Variants in DNAH8 observed in about 807,000 individuals in gnomAD.
DNAH8 encodes axonemal beta dynein heavy chain 8.
A neutral mutation model predicts 562.1 loss-of-function variants in DNAH8; 382 were observed. The ratio of observed to expected loss-of-function variants is 0.68; its 90% CI spans 0.63 to 0.74. The LOEUF (loss-of-function observed/expected upper bound fraction) is 0.74, where lower values mean the gene tolerates loss of function less well. Among genes scored for constraint, DNAH8 ranks in the 30% least tolerant of loss-of-function variants. DNAH8 has a pLI of 0.00. For synonymous variants in DNAH8, 1,881 were observed against 1,919.4 expected, an observed-to-expected ratio of 0.98 and a Z score of 0.52; for missense variants, 5,203 against 5,620.4, an observed-to-expected ratio of 0.93 and a Z score of 2.37.
In DNAH8 at chr6:38,993,364, AT is replaced by A. The variant is rs543483817; in HGVS notation, c.13214+3201del. ...TGTTCAAAGGTCACTTGGATTAATG[AT>A]TTTTTTTTCTGTGTGGTTATGCTAT... is the stretch of plus-strand genomic sequence containing the variant. On this transcript the variant is annotated intron_variant, in intron 88 of 92. Coordinates refer to ENST00000327475, the MANE Select transcript of DNAH8 (RefSeq NM_001206927.2). Among the ~76,000 whole-genome samples, 11 of 151,056 alleles carry A rather than the reference AT, an allele frequency of 7.3e-5. No individual in the cohort carries two copies. In the South Asian group the frequency reaches 1.1e-3, roughly 14 times the overall value.
rs1782885997 is a variant in DNAH8, at chr6:38,935,610, G to A, written c.11476G>A (p.Val3826Ile). The change falls in exon 77 of 93, where the codon GTT (valine) becomes ATT (isoleucine). Residue 3826 changes from valine (V) to isoleucine (I), a missense_variant. Val to Ile is a conservative substitution (Grantham distance 29, BLOSUM62 3). This residue lies in a region of DNAH8 where 1,399 missense variants were observed against 1,518.4 expected (regional missense o/e 0.92). Transcript: ENST00000327475. ...ATGACAGGAGTTAGAGGCTGAGAGG[G>A]TTAAACTTTTGGAGGATGTTACTTT... ...TEKQELEAER[V>I]KLLEDVTFNK... 29 of 1,612,500 alleles carry A rather than the reference G, an allele frequency of 1.8e-5. No individual in the cohort carries two copies. Among genetic ancestry groups the A allele is most frequent in the Non-Finnish European group, 2.5e-5 (29 of 1,179,480 alleles).
chr6:38,855,057 G>C (rs1258438002), intron 41 of DNAH8, among the ~76,000 whole-genome samples: 1 of 149,718 alleles, frequency 6.7e-6, no homozygotes, highest in Non-Finnish European at 1.5e-5. Flanking sequence ...ATATATTCAT[G>C]TATGTGTATA....
Position 38,929,584 on chromosome 6 carries a change from T to C in DNAH8, c.11192T>C (p.Ile3731Thr). ...CTTTCCTTGGGCCGACCCCTTCTCA[T>C]TGAGGACATTCATGAAGAGCTGGAT... ...DSLSLGRPLL[I>T]EDIHEELDPA... The change falls in exon 75 of 93, where the codon ATT becomes ACT. Residue 3731 changes from isoleucine (I) to threonine (T), a missense_variant. Transcript: ENST00000327475. 6.2e-7 allele frequency: 1 copy of C among 1,612,516 alleles called. No homozygotes were observed. The highest frequency in any genetic ancestry group is 8.5e-7 in the Non-Finnish European group (1 of 1,179,474).
At chr6:39,023,696 G>T (rs1378127746) in intron 91 of DNAH8, among the ~76,000 whole-genome samples, 1 of 152,160 alleles carries the variant, frequency 6.6e-6, no homozygotes, top group Non-Finnish European at 1.5e-5. Flanking sequence ...ATAATGAACA[G>T]TTCATTGGAT....
At chr6:38,723,305 T>G (rs150179552) in intron 2 of DNAH8, 32 bp from the exon 3 acceptor site, 22,886 of 1,582,604 alleles carry the variant, frequency 0.014, 203 homozygotes, top group Non-Finnish European at 0.017. Context: ...TCTTCAGAAT[T>G]GCAATTTTTG....
At position 38,917,241 on chromosome 6, in the gene DNAH8, T is replaced by C; in HGVS notation, c.10143T>C (p.Thr3381=). The change falls in exon 69 of 93, where the codon ACT becomes ACC. Residue 3381 remains threonine (T), a splice_region_variant and synonymous_variant. Transcript: ENST00000327475. The part of the protein sequence containing the change: ...ALEEAEAALN[T]IKPNDIATVR... Reference sequence around the variant, plus strand: ...TTGATCCTTAATCCCAAATATAGACTATCAAGCCAAATGATATTGCCACAG... The same window carrying C: ...TTGATCCTTAATCCCAAATATAGACCATCAAGCCAAATGATATTGCCACAG... The C allele has an allele frequency of 6.2e-7, 1 of 1,606,928 alleles. No homozygotes were observed. Among genetic ancestry groups the C allele is most frequent in the Non-Finnish European group, 8.5e-7 (1 of 1,176,410 alleles).
At chr6:38,911,184 A>T (rs530869493) in intron 65 of DNAH8, among the ~76,000 whole-genome samples, 27 of 152,334 alleles carry the variant, frequency 1.8e-4, no homozygotes, top group African/African-American at 6.3e-4. Context: ...ATTTTATTTG[A>T]TCTTCACAAA....
Position 38,771,358 on chromosome 6 carries a change from C to T in DNAH8, c.1764+799C>T, listed in dbSNP as rs147089111. On this transcript the variant is annotated intron_variant, in intron 12 of 92. Transcript: ENST00000327475. The stretch of plus-strand genomic sequence containing the variant: ...ATCCTTCATACATACTTCTTTGAAG[C>T]TGTTTTTTAAATTTGTTTCTTTAAC... Among the ~76,000 whole-genome samples, 286 of 152,198 alleles carry T rather than the reference C, an allele frequency of 1.9e-3. 1 individual carries two copies. Among genetic ancestry groups the T allele is most frequent in the African/African-American group, 6.3e-3 (261 of 41,480 alleles).
At chr6:38,929,710 GAAAAAGAA>G (rs1175458784) in intron 75 of DNAH8, 44 bp downstream of exon 75, 7 of 1,378,714 alleles carry the variant, frequency 5.1e-6, no homozygotes, top group Admixed American at 5.3e-5. Flanking sequence ...AGAAAGAAAA[GAAAAAGAA>G]AAAAAGAAAA....
rs748397281 is a variant in DNAH8 at position 38,826,378 on chromosome 6, T to C, written c.4070T>C (p.Leu1357Ser). Residue 1357 changes from leucine to serine, a missense_variant, in exon 29 of 93, where the codon TTG (leucine) becomes TCG (serine). By Grantham distance (145) the Leu-to-Ser change is moderately radical (BLOSUM62 -2). Around this residue, in one of 6 missense-constraint regions of DNAH8, gnomAD observed 2,176 missense variants for 2,365.1 expected, o/e 0.92. Transcript: ENST00000327475. ...AATGAAATTCAAATGGACATGACTT[T>C]GGGACCAATTGAAGTAAGAAATGAT... Reference protein sequence around the residue: ...RDNEIQMDMTLGPIEEAYAIL... With the variant: ...RDNEIQMDMTSGPIEEAYAIL... 15 of 1,592,508 alleles carry C rather than the reference T, an allele frequency of 9.4e-6. No individual in the cohort carries two copies. Among genetic ancestry groups the C allele is most frequent in the South Asian group, 1.2e-5 (1 of 86,362 alleles).
intron 80 of DNAH8, among the ~76,000 whole-genome samples, chr6:38,948,402 A>G (rs1328412556): frequency 1.3e-5 from 2 of 152,026 alleles, no homozygotes; most frequent in Non-Finnish European, 2.9e-5. Flanking sequence ...GCAATGGCAC[A>G]ATCTTGGCTC....
At chr6:38,937,148 G>A (rs1328677345) in intron 77 of DNAH8, among the ~76,000 whole-genome samples, 1 of 151,974 alleles carries the variant, frequency 6.6e-6, no homozygotes, top group African/African-American at 2.4e-5. Context: ...AGTGGGAGTT[G>A]AACAATAAGA....
chr6:38,805,290 T>G (rs1771165112), intron 22 of DNAH8, among the ~76,000 whole-genome samples, 191 bp from the exon 23 acceptor site: 1 of 152,192 alleles, frequency 6.6e-6, no homozygotes, highest in African/African-American at 2.4e-5. Flanking sequence ...GACAATTCTA[T>G]TGAGGTGGAT....
chr6:38,960,787 C>T (rs1178460223), intron 82 of DNAH8, among the ~76,000 whole-genome samples: 1 of 151,870 alleles, frequency 6.6e-6, no homozygotes, highest in Non-Finnish European at 1.5e-5. Flanking sequence ...GAGGTGCAAT[C>T]ATTAAGAAAA....
chr6:38,822,012 A>G (rs1772898263), intron 26 of DNAH8, among the ~76,000 whole-genome samples: 2 of 152,202 alleles, frequency 1.3e-5, no homozygotes, highest in Non-Finnish European at 2.9e-5. Flanking sequence ...CATATAGTGA[A>G]TATACATATA....
intron 8 of DNAH8, among the ~76,000 whole-genome samples, chr6:38,743,734 T>C (rs555126603): frequency 1.3e-5 from 2 of 152,378 alleles, no homozygotes; most frequent in East Asian, 3.9e-4. Context: ...TGAATCATAT[T>C]CTGTTGTATG....
In DNAH8 at chr6:39,030,559, AT is replaced by A. The variant is rs1203512955; in HGVS notation, c.*168del. 1.4e-5 allele frequency: 8 copies of A among 575,098 alleles called. No homozygotes were observed. The highest frequency in any genetic ancestry group is 2.4e-5 in the Non-Finnish European group (8 of 329,642). The allele number at this position is 575,098 out of a possible 1,614,324, so 35.6% of individuals were successfully genotyped here. ...TAGTGCGTGTGTGTTTTCCTCACATATCAATATTCAAAAAGATAACTCTAAA... is the reference window on the plus strand; with the variant it reads ...TAGTGCGTGTGTGTTTTCCTCACATACAATATTCAAAAAGATAACTCTAAA... On this transcript the variant is annotated 3_prime_UTR_variant, in exon 93 of 93. Coordinates refer to ENST00000327475, the MANE Select transcript of DNAH8 (RefSeq NM_001206927.2).
At chr6:38,892,280 C>T (rs1419178691) in intron 58 of DNAH8, among the ~76,000 whole-genome samples, 2 of 152,166 alleles carry the variant, frequency 1.3e-5, no homozygotes, top group African/African-American at 4.8e-5. Context: ...ATCTCCATCC[C>T]AGGCCTCTCT....
At chr6:38,770,580 G>C (rs770894419) in intron 12 of DNAH8, 21 bp downstream of exon 12, 1 of 1,561,404 alleles carries the variant, frequency 6.4e-7, no homozygotes, top group Non-Finnish European at 8.6e-7. Flanking sequence ...TGCAGTCATC[G>C]TACCCCACTC....
Sources: allele counts gnomAD v4.1 joint callset (sites outside exome capture counted in the v4.1 genomes callset), GRCh38; gene constraint gnomAD v4.1.1; regional missense constraint gnomAD v4.1.1; transcripts MANE v1.5; gene names NCBI Gene and HGNC (gene_info 2026-07-23, HGNC 2026-07-21).